EGFLAM: variants seen among roughly 807,000 people sequenced by gnomAD.
The protein encoded by EGFLAM is pikachurin.
In EGFLAM, 79 loss-of-function variants were observed where a neutral mutation model predicts 113.1. The ratio of observed to expected loss-of-function variants is 0.70; its 90% CI spans 0.58 to 0.84. The LOEUF (loss-of-function observed/expected upper bound fraction) is 0.84, where lower values mean the gene tolerates loss of function less well. Among genes scored for constraint, EGFLAM ranks in the 40% least tolerant of loss-of-function variants. EGFLAM has a pLI of 0.00. For missense variants in EGFLAM, 1,265 were observed against 1,291.6 expected, an observed-to-expected ratio of 0.98 and a Z score of 0.32; for synonymous variants, 504 against 487.6, an observed-to-expected ratio of 1.03 and a Z score of -0.44.
At chr5:38,451,271 T>C (rs755517785) in intron 18 of EGFLAM, 44 bp from the exon 19 acceptor site, 8 of 1,597,524 alleles carry the variant, frequency 5.0e-6, no homozygotes, top group Non-Finnish European at 6.8e-6. Flanking sequence ...CGGAAACAGA[T>C]GTTGGTGGTT....
At chr5:38,371,207 A>G (rs1740204299) in intron 6 of EGFLAM, among the ~76,000 whole-genome samples, 1 of 152,210 alleles carries the variant, frequency 6.6e-6, no homozygotes, top group Non-Finnish European at 1.5e-5. Flanking sequence ...GGGAGAGTTG[A>G]GAATGAAAAT....
At chr5:38,366,294 A>G (rs1057155656) in intron 5 of EGFLAM, among the ~76,000 whole-genome samples, 6 of 152,196 alleles carry the variant, frequency 3.9e-5, no homozygotes, top group African/African-American at 1.4e-4. Context: ...ACCTATTCAA[A>G]TACAGTTCTT....
chr5:38,359,218 G>A (rs1353995115), intron 5 of EGFLAM, among the ~76,000 whole-genome samples: 4 of 152,088 alleles, frequency 2.6e-5, no homozygotes, highest in East Asian at 1.9e-4. Context: ...CATGCCTGTC[G>A]TATGCTGTCT....
Position 38,427,192 on chromosome 5 carries a change from A to G in EGFLAM, c.1994A>G (p.Asn665Ser), listed in dbSNP as rs753669730. The stretch of plus-strand genomic sequence containing the variant: ...GGCAGCAAAGACTTCCTGTCCATCA[A>G]CTTGGCAGGGGGCCACGTGGAGTTC... ...DTGSKDFLSI[N>S]LAGGHVEFRF... The change falls in exon 14 of 22, where the codon AAC (asparagine) becomes AGC (serine). Residue 665 changes from asparagine (N) to serine (S), a missense_variant. By Grantham distance (46) the Asn-to-Ser change is conservative. Coordinates refer to ENST00000322350, the MANE Select transcript of EGFLAM (RefSeq NM_152403.4). The G allele has an allele frequency of 1.2e-6, 2 of 1,614,162 alleles. No homozygotes were observed. Among genetic ancestry groups the G allele is most frequent in the Non-Finnish European group, 1.7e-6 (2 of 1,180,038 alleles).
At position 38,418,209 on chromosome 5, in the gene EGFLAM, C is replaced by A. The variant is rs146754357; in HGVS notation, c.1638C>A (p.Asp546Glu). 1.6e-3 allele frequency: 2,603 copies of A among 1,614,086 alleles called. 20 individuals are homozygous for A. Among genetic ancestry groups the A allele is most frequent in the Middle Eastern group, 0.012 (71 of 6,062 alleles). Reference sequence around the variant, plus strand: ...TCGCTGTGAATGGGAGGAGAATTGACATGAGGCCCTGGCCCCTGGGAAAAG... The same window carrying A: ...TCGCTGTGAATGGGAGGAGAATTGAAATGAGGCCCTGGCCCCTGGGAAAAG... ...QSLAVNGRRI[D>E]MRPWPLGKAL... The change falls in exon 12 of 22, where the codon GAC (aspartate) becomes GAA (glutamate). Residue 546 changes from aspartate to glutamate, a missense_variant. Asp to Glu is a conservative substitution (Grantham distance 45, BLOSUM62 2). Coordinates refer to ENST00000322350, the MANE Select transcript of EGFLAM (RefSeq NM_152403.4).
chr5:38,349,229 A>T (rs1215598010), intron 3 of EGFLAM, among the ~76,000 whole-genome samples: 1 of 152,214 alleles, frequency 6.6e-6, no homozygotes, highest in Non-Finnish European at 1.5e-5. Context: ...TTTAATAAAT[A>T]CAATGTAAAT....
chr5:38,431,827 G>A (rs749281199), intron 15 of EGFLAM, among the ~76,000 whole-genome samples: 24 of 152,158 alleles, frequency 1.6e-4, no homozygotes, highest in Admixed American at 4.6e-4. Flanking sequence ...CTACTTCACA[G>A]AGTTGTTGTG....
At chr5:38,339,296 G>T (rs1172194994) in intron 3 of EGFLAM, among the ~76,000 whole-genome samples, 3 of 151,616 alleles carry the variant, frequency 2.0e-5, no homozygotes, top group African/African-American at 7.3e-5. Flanking sequence ...TTTCTTTTCT[G>T]TTTCTCATCA....
chr5:38,307,667 AC>A (rs147472922), intron 1 of EGFLAM, among the ~76,000 whole-genome samples: 3,453 of 152,324 alleles, frequency 0.023, 56 homozygotes, highest in Non-Finnish European at 0.033. Flanking sequence ...ACTTTGTCAC[AC>A]AGCTCTGAAA....
chr5:38,430,397 A>G (rs1742152068), intron 14 of EGFLAM, among the ~76,000 whole-genome samples: 1 of 152,194 alleles, frequency 6.6e-6, no homozygotes, highest in East Asian at 1.9e-4. Flanking sequence ...GGCTCATTGT[A>G]AGGAATAAAT....
chr5:38,429,452 A>G (rs2112201475), intron 14 of EGFLAM, among the ~76,000 whole-genome samples: 1 of 152,314 alleles, frequency 6.6e-6, no homozygotes, highest in East Asian at 1.9e-4. Flanking sequence ...ATGGTTTTCT[A>G]AAGATGATCC....
At chr5:38,333,100 G>C (rs1345059457) in intron 1 of EGFLAM, among the ~76,000 whole-genome samples, 1 of 152,152 alleles carries the variant, frequency 6.6e-6, no homozygotes, top group Non-Finnish European at 1.5e-5. Flanking sequence ...ATATCCTCCA[G>C]CTCCATTCAT....
chr5:38,418,181 C>T lies in EGFLAM; in HGVS notation c.1610C>T (p.Ser537Leu), dbSNP rs768179128. 40 of 1,614,012 alleles carry T rather than the reference C, an allele frequency of 2.5e-5. No individual in the cohort carries two copies. The highest frequency in any genetic ancestry group is 1.6e-4 in the Middle Eastern group (1 of 6,084). The part of the protein sequence containing the change: ...TNRGFQGCVQ[S>L]LAVNGRRIDM... ...CGAGGCTTTCAAGGCTGTGTGCAGT[C>T]GCTCGCTGTGAATGGGAGGAGAATT... Residue 537 changes from serine (S) to leucine (L), a missense_variant, in exon 12 of 22, where the codon TCG (serine) becomes TTG (leucine). By Grantham distance (145) the Ser-to-Leu change is moderately radical. Transcript: ENST00000322350.
chr5:38,376,684 C>T (rs1484059195), intron 6 of EGFLAM, among the ~76,000 whole-genome samples: 1 of 152,156 alleles, frequency 6.6e-6, no homozygotes, highest in East Asian at 1.9e-4. Context: ...GTCACTTTCT[C>T]AGATAGGCTT....
At chr5:38,365,790 C>G (rs1014675483) in intron 5 of EGFLAM, among the ~76,000 whole-genome samples, 1 of 152,074 alleles carries the variant, frequency 6.6e-6, no homozygotes, top group Non-Finnish European at 1.5e-5. Flanking sequence ...GGTATATTTA[C>G]TATGGAAAAA....
In EGFLAM at chr5:38,258,831, G is replaced by C. The variant is rs12522205; in HGVS notation, c.77G>C (p.Arg26Pro). 2,611 of 1,611,888 alleles carry C rather than the reference G, an allele frequency of 1.6e-3. 60 individuals carry two copies. In the Admixed American group the frequency reaches 0.025, roughly 15 times the overall value. ...SSLGPGAVSLRAAIRKPGKVG... is the reference protein window; with the variant it reads ...SSLGPGAVSLPAAIRKPGKVG... ...CTCGGACCCGGCGCGGTGTCGCTCC[G>C]AGCGGCCATCCGAAAACCAGGTAAT... is the stretch of plus-strand genomic sequence containing the variant. Residue 26 changes from arginine (R) to proline (P), a missense_variant, in exon 1 of 22, where the codon CGA becomes CCA. By Grantham distance (103) the Arg-to-Pro change is moderately radical. Coordinates refer to ENST00000322350, the MANE Select transcript of EGFLAM (RefSeq NM_152403.4).
intron 6 of EGFLAM, among the ~76,000 whole-genome samples, chr5:38,374,440 G>A (rs1304988857): frequency 5.9e-5 from 9 of 152,072 alleles, no homozygotes; most frequent in South Asian, 2.1e-4. Context: ...CTAGGGGGTC[G>A]AAGTGAGGTT....
intron 1 of EGFLAM, among the ~76,000 whole-genome samples, chr5:38,261,024 A>G (rs762430214): frequency 6.6e-6 from 1 of 152,208 alleles, no homozygotes; most frequent in Non-Finnish European, 1.5e-5. Context: ...CGGTGCAGGC[A>G]TACTGGAGCG....
rs1742677839 is a variant in EGFLAM, at chr5:38,445,520, A to T, written c.2465-2781A>T. The T allele has an allele frequency of 3.9e-6, 6 of 1,546,616 alleles. No homozygotes were observed. The Admixed American group carries it at 7.1e-5, about 18-fold the overall frequency. On this transcript the variant is annotated intron_variant, in intron 17 of 21. Transcript: ENST00000322350. ...TTTCCAGTGGTTCCCCGCGGGGCTCATATTCACATTCCCTAAGAGGACGTT... is the reference window on the plus strand; with the variant it reads ...TTTCCAGTGGTTCCCCGCGGGGCTCTTATTCACATTCCCTAAGAGGACGTT...
Sources: gnomAD v4.1 joint callset for allele counts (sites outside exome capture counted in the v4.1 genomes callset) on GRCh38, gnomAD v4.1.1 for gene constraint, MANE v1.5 for transcripts, NCBI Gene and HGNC (gene_info 2026-07-23, HGNC 2026-07-21) for gene names.